DNAH1: variants seen among roughly 807,000 people sequenced by gnomAD.
The protein encoded by DNAH1 is dynein axonemal heavy chain 1.
A neutral mutation model predicts 484.3 loss-of-function variants in DNAH1; 327 were observed. The observed-to-expected ratio is 0.68, with a 90% CI of 0.62 to 0.74. The LOEUF is 0.74. Ranked by LOEUF, DNAH1 falls within the 30% of genes least tolerant of loss-of-function variation. The pLI is 0.00. For missense variants in DNAH1, 5,052 were observed against 5,546.8 expected (o/e 0.91, Z 2.83); for synonymous variants, 2,192 against 2,191.9 (o/e 1.00, Z 0.00).
At chr3:52,325,635 T>C (rs1160343752) in intron 3 of DNAH1, among the ~76,000 whole-genome samples, 2 of 152,158 alleles carry the variant, frequency 1.3e-5, no homozygotes, top group Admixed American at 1.3e-4. Flanking sequence ...GCGGCAGTCA[T>C]TTTTTGACTT....
At position 52,345,550 on chromosome 3, in the gene DNAH1, C is replaced by A. The variant is rs769658191; in HGVS notation, c.1500C>A (p.Phe500Leu). The A allele has an allele frequency of 3.1e-6, 5 of 1,588,720 alleles. No homozygotes were observed. The highest frequency in any genetic ancestry group is 3.6e-5 in the Admixed American group (2 of 55,842). Reference protein sequence around the residue: ...HFWEQKEDFTFVSLLTRPEVI... With the variant: ...HFWEQKEDFTLVSLLTRPEVI... ...GGGAGCAGAAGGAGGACTTCACTTT[C>A]GTGTCCCTGCTCACACGGCCAGAGG... The change falls in exon 10 of 78, where the codon TTC becomes TTA. Residue 500 changes from phenylalanine (F) to leucine (L), a missense_variant. Phe to Leu is a conservative substitution (Grantham distance 22). This residue lies in a region of DNAH1 where 1,263 missense variants were observed against 1,218.8 expected (regional missense o/e 1.04). Transcript: ENST00000420323.
chr3:52,342,719 G>C (rs899988974), intron 8 of DNAH1, among the ~76,000 whole-genome samples: 1 of 152,190 alleles, frequency 6.6e-6, no homozygotes, highest in Non-Finnish European at 1.5e-5. Context: ...GTGCAATGCT[G>C]TTCAGAGACA....
At chr3:52,367,548 C>T (rs943108199) in intron 36 of DNAH1, among the ~76,000 whole-genome samples, 3 of 151,516 alleles carry the variant, frequency 2.0e-5, no homozygotes, top group East Asian at 1.9e-4. Context: ...AAAAAGTCCC[C>T]TGTTAAAGAA....
intron 7 of DNAH1, 136 bp from the exon 8 acceptor site, chr3:52,332,006 A>T: frequency 8.7e-7 from 1 of 1,150,670 alleles, no homozygotes; most frequent in Non-Finnish European, 1.2e-6. Flanking sequence ...CATTTCACAG[A>T]TGCAACAGGG....
Position 52,358,043 on chromosome 3 carries a change from G to A in DNAH1, c.4086+40G>A, listed in dbSNP as rs1285895311. 5.4e-6 allele frequency: 8 copies of A among 1,481,028 alleles called. No homozygotes were observed. Among genetic ancestry groups the A allele is most frequent in the South Asian group, 5.0e-5 (4 of 80,394 alleles). The allele number at this position is 1,481,028 out of a possible 1,614,324, so 91.7% of individuals were successfully genotyped here. ...CCGGGGCTCAGGGCTGGGAGCATGG[G>A]GCATCTTCCCAGGGAGAACGTCCCT... On this transcript the variant is annotated intron_variant, in intron 24 of 77. Transcript: ENST00000420323. This position sits in a 1 kb window ranked among gnomAD's most constrained non-coding sequence, Gnocchi z 4.2.
chr3:52,400,294 C>G, intron 77 of DNAH1, 31 bp from the exon 78 acceptor site: 2 of 1,613,196 alleles, frequency 1.2e-6, no homozygotes, highest in South Asian at 2.2e-5. Context: ...TAGGGCATGA[C>G]CTAACCCGTC....
chr3:52,384,952 A>G lies in DNAH1; in HGVS notation c.8489A>G (p.Asn2830Ser), dbSNP rs756635060. The change falls in exon 53 of 78, where the codon AAC becomes AGC. Residue 2830 changes from asparagine (N) to serine (S), a missense_variant. By Grantham distance (46) the Asn-to-Ser change is conservative (BLOSUM62 1). Transcript: ENST00000420323. ...QKKLELKTAK[N>S]RMKSGLDKLL... ...AAACTGGAGCTGAAAACTGCCAAGAACCGCATGAAGAGCGGCCTCGACAAG... is the reference window on the plus strand; with the variant it reads ...AAACTGGAGCTGAAAACTGCCAAGAGCCGCATGAAGAGCGGCCTCGACAAG... The G allele has an allele frequency of 2.5e-6, 4 of 1,613,528 alleles. No homozygotes were observed. The highest frequency in any genetic ancestry group is 1.7e-4 in the Middle Eastern group (1 of 6,060).
chr3:52,315,459 A>G (rs1171613998), upstream of DNAH1, among the ~76,000 whole-genome samples: 5 of 152,194 alleles, frequency 3.3e-5, no homozygotes, highest in Non-Finnish European at 7.4e-5. Flanking sequence ...CAGACTTGCC[A>G]TGACCTCAGA....
chr3:52,397,880 G>A lies in DNAH1; in HGVS notation c.11958+3G>A, dbSNP rs780188848. The A allele has an allele frequency of 6.1e-5, 98 of 1,597,106 alleles. 3 individuals are homozygous for A. In the South Asian group the frequency reaches 1.0e-3, roughly 17 times the overall value. On this transcript the variant is annotated splice_donor_region_variant and intron_variant, in intron 74 of 77. Coordinates refer to ENST00000420323, the MANE Select transcript of DNAH1 (RefSeq NM_015512.5). ...CAGGCAGCCAGGGCCGGGAGGAGGT[G>A]GGTGGTGTCAGAGTAAGGGGCCCAA... is the stretch of plus-strand genomic sequence containing the variant.
Position 52,389,532 on chromosome 3 carries a change from C to T in DNAH1, c.9567C>T (p.Ser3189=), listed in dbSNP as rs748138787. ...GGAGCCACAATGTCCCACACACCTC[C>T]GAGCCCACGCTAATCGGGACGCTGG... ...QLRSHNVPHT[S]EPTLIGTLGN... is the part of the protein sequence containing the mutation. Residue 3189 remains serine, a synonymous_variant, in exon 60 of 78, where the codon TCC becomes TCT. Coordinates refer to ENST00000420323, the MANE Select transcript of DNAH1 (RefSeq NM_015512.5). 7.0e-6 allele frequency: 11 copies of T among 1,577,274 alleles called. No individual in the cohort carries two copies. The highest frequency in any genetic ancestry group is 4.1e-5 in the African/African-American group (3 of 73,620).
Position 52,353,030 on chromosome 3 carries a change from A to G in DNAH1, c.3028-73A>G. 1 of 1,458,728 alleles carries G rather than the reference A, an allele frequency of 6.9e-7. No individual in the cohort carries two copies. The allele number at this position is 1,458,728 out of a possible 1,614,324, so 90.4% of individuals were successfully genotyped here. On this transcript the variant is annotated intron_variant, in intron 18 of 77. Coordinates refer to ENST00000420323, the MANE Select transcript of DNAH1 (RefSeq NM_015512.5). This position sits in a 1 kb window ranked among gnomAD's most constrained non-coding sequence, Gnocchi z 5.0. ...AAGGGAGAGGGAGAGGACCTGGCCC[A>G]AGAAGGGGCAACATGGAGAGAGACT...
intron 34 of DNAH1, 44 bp from the exon 35 acceptor site, chr3:52,366,413 C>A: frequency 2.0e-6 from 3 of 1,525,218 alleles, no homozygotes; most frequent in South Asian, 2.4e-5. Flanking sequence ...GGCCAGGACC[C>A]AAGCCCATGC....
chr3:52,368,980 C>A lies in DNAH1; in HGVS notation c.5943+62C>A. The stretch of plus-strand genomic sequence containing the variant: ...GGCTGGGTGGGCCTGGAGGCTGCAT[C>A]ATGCTGGCCAAACTCTGCCCCCTCA... On this transcript the variant is annotated intron_variant, in intron 37 of 77. Coordinates refer to ENST00000420323, the MANE Select transcript of DNAH1 (RefSeq NM_015512.5). This position sits in a 1 kb window ranked among gnomAD's most constrained non-coding sequence, Gnocchi z 4.4. 1 of 1,575,124 alleles carries A rather than the reference C, an allele frequency of 6.3e-7. No homozygotes were observed. Among genetic ancestry groups the A allele is most frequent in the South Asian group, 1.1e-5 (1 of 88,408 alleles).
At chr3:52,311,737 C>CA (rs1700766024), upstream of DNAH1, among the ~76,000 whole-genome samples, 2 of 152,192 alleles carry the variant, frequency 1.3e-5, no homozygotes, top group South Asian at 4.1e-4. Context: ...TGCTGGTTGT[C>CA]ATGGCAACCT....
chr3:52,322,225 G>A (rs1284677461), intron 1 of DNAH1, among the ~76,000 whole-genome samples, 184 bp from the exon 2 acceptor site: 1 of 151,964 alleles, frequency 6.6e-6, no homozygotes, highest in Non-Finnish European at 1.5e-5. Flanking sequence ...CCCATCTCCT[G>A]GTGGGACTCG....
chr3:52,400,005 G>A (rs1461374193), intron 77 of DNAH1, among the ~76,000 whole-genome samples: 1 of 152,204 alleles, frequency 6.6e-6, no homozygotes, highest in African/African-American at 2.4e-5. Context: ...GCCCACCTTG[G>A]GCCCCAAGAG....
At position 52,386,225 on chromosome 3, in the gene DNAH1, G is replaced by A. The variant is rs746750164; in HGVS notation, c.8691G>A (p.Glu2897=). 3.0e-5 allele frequency: 49 copies of A among 1,613,662 alleles called. No homozygotes were observed. The highest frequency in any genetic ancestry group is 1.7e-4 in the Admixed American group (10 of 59,982). The part of the protein sequence containing the change: ...SVQTEEIKAN[E]KAKKAQAIAD... The stretch of plus-strand genomic sequence containing the variant: ...AGACAGAGGAGATCAAAGCCAATGA[G>A]AAGGCCAAGAAGGCACAAGCTATTG... Residue 2897 remains glutamate, a synonymous_variant, in exon 55 of 78, where the codon GAG becomes GAA. Coordinates refer to ENST00000420323, the MANE Select transcript of DNAH1 (RefSeq NM_015512.5).
At position 52,397,088 on chromosome 3, in the gene DNAH1, TGGGGTTCTGGG is replaced by T. The variant is rs754550118; in HGVS notation, c.11787+46_11787+56del. The T allele has an allele frequency of 3.3e-6, 5 of 1,515,316 alleles. No homozygotes were observed. The Admixed American group carries it at 1.1e-4, about 33-fold the overall frequency. The allele number at this position is 1,515,316 out of a possible 1,614,324, so 93.9% of individuals were successfully genotyped here. A position where few individuals can be genotyped will look rare whatever the true frequency, so the allele number is the denominator to read the frequency against. On this transcript the variant is annotated intron_variant, in intron 73 of 77. Coordinates refer to ENST00000420323, the MANE Select transcript of DNAH1 (RefSeq NM_015512.5). ...GCTGCACAGGAGGGGCCTGCCAGCC[TGGGGTTCTGGG>T]GTACCATGAGCACCTTGGTGCTGGG... is the stretch of plus-strand genomic sequence containing the variant.
intron 59 of DNAH1, 91 bp downstream of exon 59, chr3:52,389,028 G>A: frequency 7.1e-7 from 1 of 1,415,172 alleles, no homozygotes; most frequent in Non-Finnish European, 9.4e-7. Flanking sequence ...TAGGCAGCCT[G>A]CAGGTGGCTC....
Sources: gnomAD v4.1 joint callset for allele counts (sites outside exome capture counted in the v4.1 genomes callset) on GRCh38, gnomAD v4.1.1 for gene constraint, gnomAD v4.1.1 regional missense constraint, Gnocchi (gnomAD v3.1) non-coding constraint, MANE v1.5 for transcripts, NCBI Gene and HGNC (gene_info 2026-07-23, HGNC 2026-07-21) for gene names.